Variants in KLK13 observed in about 807,000 individuals in gnomAD.
The protein encoded by KLK13 is kallikrein related peptidase 13, also known as kallikrein-13.
Under a neutral mutation model 22.4 loss-of-function variants are expected in KLK13, and 19 were observed. That is an observed-to-expected ratio of 0.85 (90% CI 0.59 to 1.24). The LOEUF (loss-of-function observed/expected upper bound fraction) is 1.24, where lower values mean the gene tolerates loss of function less well. Among genes scored for constraint, KLK13 ranks in the 50% most tolerant of loss-of-function variants. The pLI is 0.00. For missense variants in KLK13, 311 were observed against 347.9 expected, an observed-to-expected ratio of 0.89 and a Z score of 0.84; for synonymous variants, 156 against 141.8, an observed-to-expected ratio of 1.10 and a Z score of -0.71.
At chr19:51,056,966 C>A (rs2091681643) in intron 4 of KLK13, among the ~76,000 whole-genome samples, 191 bp from the exon 5 acceptor site, 1 of 152,110 alleles carries the variant, frequency 6.6e-6, no homozygotes, top group Non-Finnish European at 1.5e-5. Flanking sequence ...GACAAGAAGA[C>A]AAACACAGAG....
rs900994106 is a variant in KLK13, at chr19:51,058,213, C to A, written c.645+325G>T. Among the ~76,000 whole-genome samples, 3 of 152,144 alleles carry A rather than the reference C, an allele frequency of 2.0e-5. No homozygotes were observed. The East Asian group carries it at 5.8e-4, about 29-fold the overall frequency. On this transcript the variant is annotated intron_variant, in intron 4 of 4. Coordinates refer to ENST00000595793, the MANE Select transcript of KLK13 (RefSeq NM_015596.3). ...TCCATCTGTGCCTAAAGCCAGACAA[C>A]CTGGATTTTCAGTTACAAAAGCCTG...
At chr19:51,064,629 GTAAGCACTTATAGAT>G (rs2091762030) in intron 1 of KLK13, 1 of 543,242 alleles carries the variant, frequency 1.8e-6, no homozygotes, top group African/African-American at 1.9e-5. Flanking sequence ...ACCTTCTCTG[GTAAGCACTTATAGAT>G]TAAGCCCATT....
At chr19:51,061,573 C>A (rs1264891946) in intron 1 of KLK13, among the ~76,000 whole-genome samples, 1 of 152,236 alleles carries the variant, frequency 6.6e-6, no homozygotes, top group Non-Finnish European at 1.5e-5. Flanking sequence ...ACAACCAGTT[C>A]CTATTGGTTT....
intron 1 of KLK13, chr19:51,064,522 A>G (rs2091760269): frequency 2.4e-6 from 1 of 420,132 alleles, no homozygotes; most frequent in Non-Finnish European, 4.7e-6. Context: ...GAATACTACT[A>G]ATAAAGTAAT....
chr19:51,065,014 A>T lies in KLK13; in HGVS notation c.52+2T>A. 1.5e-6 allele frequency: 2 copies of T among 1,340,504 alleles called. No individual in the cohort carries two copies. Among genetic ancestry groups the T allele is most frequent in the African/African-American group, 3.2e-5 (2 of 63,314 alleles). The allele number at this position is 1,340,504 out of a possible 1,614,324, so 83.0% of individuals were successfully genotyped here. On this transcript the variant is annotated splice_donor_variant, in intron 1 of 4. Transcript: ENST00000595793. LOFTEE classifies it high-confidence loss of function. ...CGCGCCTCCACCCCCGCGCATTCTT[A>T]CCTCCTGACAAGGCCAAGGTCAGGG...
intron 1 of KLK13, chr19:51,063,533 T>C (rs2091748717): frequency 1.0e-5 from 4 of 390,822 alleles, no homozygotes; most frequent in Non-Finnish European, 2.1e-5. Flanking sequence ...GCCTTCTGTC[T>C]TTGAGTCCTA....
At chr19:51,062,493 C>T (rs529692094) in intron 1 of KLK13, among the ~76,000 whole-genome samples, 53 of 152,336 alleles carry the variant, frequency 3.5e-4, no homozygotes, top group African/African-American at 1.2e-3. Flanking sequence ...GGCACCTTAA[C>T]TGCTTTATTC....
chr19:51,059,437 TTA>T (rs1224396221), intron 3 of KLK13, among the ~76,000 whole-genome samples: 2 of 145,988 alleles, frequency 1.4e-5, no homozygotes, highest in Non-Finnish European at 3.0e-5. Flanking sequence ...TAAATATAGA[TTA>T]TATATAATAT....
intron 1 of KLK13, among the ~76,000 whole-genome samples, chr19:51,061,839 C>A (rs1186457793): frequency 6.6e-6 from 1 of 152,240 alleles, no homozygotes; most frequent in Non-Finnish European, 1.5e-5. Context: ...CTGGCCCTTG[C>A]CAGCCTCTTT....
intron 1 of KLK13, chr19:51,064,724 G>A: frequency 1.6e-6 from 1 of 632,098 alleles, no homozygotes; most frequent in South Asian, 1.5e-5. Context: ...GCGTCAGGAC[G>A]CGAACCCATG....
upstream of KLK13, chr19:51,065,196 C>T (rs2091771894): frequency 3.2e-6 from 2 of 623,544 alleles, no homozygotes; most frequent in East Asian, 3.2e-5. Flanking sequence ...TCGCCTCATT[C>T]ACTCTTGACA....
chr19:51,056,659 G>A lies in KLK13; in HGVS notation c.762C>T (p.Tyr254=), dbSNP rs146107929. The stretch of plus-strand genomic sequence containing the variant: ...GGATTGTTTCACGGATCCACAGGAC[G>A]TATCTTGAGACACGGGTGTAGACAC... The part of the protein sequence containing the change: ...RPGVYTRVSR[Y]VLWIRETIRK... Residue 254 remains tyrosine, a synonymous_variant, in exon 5 of 5, where the codon TAC becomes TAT. Transcript: ENST00000595793. 5.9e-4 allele frequency: 951 copies of A among 1,614,176 alleles called. No individual in the cohort carries two copies. Among genetic ancestry groups the A allele is most frequent in the Admixed American group, 7.7e-4 (46 of 60,012 alleles).
At chr19:51,060,144 T>A (rs2091713846) in intron 2 of KLK13, 51 bp from the exon 3 acceptor site, 1 of 1,601,356 alleles carries the variant, frequency 6.2e-7, no homozygotes, top group African/African-American at 1.3e-5. Context: ...CCCATTTCCA[T>A]CCCCATCCCA....
intron 4 of KLK13, among the ~76,000 whole-genome samples, chr19:51,057,387 T>C (rs2091685551): frequency 6.6e-6 from 1 of 152,222 alleles, no homozygotes; most frequent in East Asian, 1.9e-4. Context: ...GTAGTATCCA[T>C]TTCCTCTTAT....
intron 1 of KLK13, 56 bp downstream of exon 1, chr19:51,064,960 C>A (rs559445304): frequency 2.0e-6 from 3 of 1,473,910 alleles, no homozygotes; most frequent in Non-Finnish European, 2.8e-6. Flanking sequence ...TCCGGCCTGA[C>A]CCCTCCTACC....
upstream of KLK13, chr19:51,065,097 C>T (rs968520192): frequency 2.9e-6 from 1 of 347,242 alleles, no homozygotes; most frequent in Non-Finnish European, 5.7e-6. Flanking sequence ...GAGGGCAGGG[C>T]GGGCGGGGCC....
In KLK13 at chr19:51,058,546, A is replaced by G; in HGVS notation, c.637T>C (p.Ser213Pro). Reference sequence around the variant, plus strand: ...CAGCCTCCCGGCCTCACCTCACAGGAGTCTTTGCCACCCTCTTTTGTGCCG... The same window carrying G: ...CAGCCTCCCGGCCTCACCTCACAGGGGTCTTTGCCACCCTCTTTTGTGCCG... ...CAGTKEGGKD[S>P]CEGDSGGPLV... Residue 213 changes from serine to proline, a missense_variant, in exon 4 of 5, where the codon TCC (serine) becomes CCC (proline). Ser to Pro is a moderately conservative substitution (Grantham distance 74, BLOSUM62 -1). Coordinates refer to ENST00000595793, the MANE Select transcript of KLK13 (RefSeq NM_015596.3). 1 of 1,614,078 alleles carries G rather than the reference A, an allele frequency of 6.2e-7. No individual in the cohort carries two copies. Among genetic ancestry groups the G allele is most frequent in the Non-Finnish European group, 8.5e-7 (1 of 1,179,994 alleles).
upstream of KLK13, chr19:51,065,104 G>T: frequency 7.3e-7 from 1 of 1,367,394 alleles, no homozygotes; most frequent in Non-Finnish European, 1.0e-6. Context: ...GGGCGGGCGG[G>T]GCCTGAGGAG....
Position 51,056,575 on chromosome 19 carries a change from A to G in KLK13, c.*12T>C. ...ATGGTGACAGGATGGAAGCCGGTAC[A>G]TTTCTCAACTTTTATTGTGGGCCCT... On this transcript the variant is annotated 3_prime_UTR_variant, in exon 5 of 5. Coordinates refer to ENST00000595793, the MANE Select transcript of KLK13 (RefSeq NM_015596.3). The G allele has an allele frequency of 6.2e-7, 1 of 1,613,812 alleles. No individual in the cohort carries two copies. Among genetic ancestry groups the G allele is most frequent in the Non-Finnish European group, 8.5e-7 (1 of 1,179,742 alleles).
Sources: gnomAD v4.1 joint callset for allele counts (sites outside exome capture counted in the v4.1 genomes callset) on GRCh38, gnomAD v4.1.1 for gene constraint, MANE v1.5 for transcripts, NCBI Gene and HGNC (gene_info 2026-07-23, HGNC 2026-07-21) for gene names.